ANK3: variants seen among roughly 807,000 people sequenced by gnomAD.
ANK3 encodes the protein ankyrin 3, also known as ankyrin-3.
Under a neutral mutation model 370.9 loss-of-function variants are expected in ANK3, and 57 were observed. The observed-to-expected ratio is 0.15, with a 90% CI of 0.12 to 0.19. The LOEUF is 0.19. ANK3 is among the 10% of genes least tolerant of loss of function. The pLI, the probability that ANK3 is intolerant of heterozygous loss-of-function variation, is 1.00. For missense variants in ANK3, 4,439 were observed against 5,302.1 expected, an observed-to-expected ratio of 0.84 and a Z score of 5.06; for synonymous variants, 1,929 against 1,946.3, an observed-to-expected ratio of 0.99 and a Z score of 0.23.
At chr10:60,720,844 C>A (rs1057125636) in intron 1 of ANK3, among the ~76,000 whole-genome samples, 3 of 152,160 alleles carry the variant, frequency 2.0e-5, no homozygotes, top group Non-Finnish European at 4.4e-5. Context: ...AACTGCTGAG[C>A]TCAAGCAATC....
intron 1 of ANK3, among the ~76,000 whole-genome samples, chr10:60,350,754 A>G (rs761857647): frequency 2.0e-5 from 3 of 152,142 alleles, no homozygotes; most frequent in African/African-American, 4.8e-5. Flanking sequence ...AGCCATCAAA[A>G]AGGAAAAGGA....
intron 14 of ANK3, among the ~76,000 whole-genome samples, chr10:60,197,187 C>T (rs1235819693): frequency 6.6e-6 from 1 of 152,188 alleles, no homozygotes; most frequent in Non-Finnish European, 1.5e-5. Context: ...GAAATTCTCT[C>T]ACCTTTGCCA....
intron 23 of ANK3, among the ~76,000 whole-genome samples, chr10:60,148,969 C>T (rs1276717768): frequency 6.6e-6 from 1 of 152,182 alleles, no homozygotes; most frequent in Non-Finnish European, 1.5e-5. Flanking sequence ...CACACAAGGA[C>T]CATGAGTACA....
chr10:60,270,288 A>G (rs1566130886), intron 4 of ANK3, 59 bp from the exon 5 acceptor site: 1 of 1,143,886 alleles, frequency 8.7e-7, no homozygotes. Context: ...CTATTTTTCC[A>G]TGGTACTGAT....
At chr10:60,036,585 GCCA>G (rs923685494) in intron 43 of ANK3, among the ~76,000 whole-genome samples, 1 of 151,520 alleles carries the variant, frequency 6.6e-6, no homozygotes, top group Non-Finnish European at 1.5e-5. Flanking sequence ...ACAGGTGCCC[GCCA>G]CCACACCTGG....
chr10:60,430,120 G>C (rs977705200), intron 2 of ANK3, among the ~76,000 whole-genome samples: 1 of 152,162 alleles, frequency 6.6e-6, no homozygotes, highest in Non-Finnish European at 1.5e-5. Context: ...TCATTTCAGA[G>C]TCCATTATTT....
At chr10:60,436,053 A>C (rs1419690806) in intron 2 of ANK3, among the ~76,000 whole-genome samples, 2 of 150,878 alleles carry the variant, frequency 1.3e-5, no homozygotes, top group Admixed American at 1.3e-4. Context: ...GCGCCACAGC[A>C]CTCCCGCCTG....
intron 2 of ANK3, among the ~76,000 whole-genome samples, chr10:60,549,943 C>T (rs2077052727): frequency 6.6e-6 from 1 of 151,994 alleles, no homozygotes; most frequent in Non-Finnish European, 1.5e-5. Flanking sequence ...AAGGAACATG[C>T]TATCAAGAAG....
Position 60,198,489 on chromosome 10 carries a change from T to G in ANK3, c.1540A>C (p.Ile514Leu). The G allele has an allele frequency of 6.2e-7, 1 of 1,614,238 alleles. No individual in the cohort carries two copies. Among genetic ancestry groups the G allele is most frequent in the Non-Finnish European group, 8.5e-7 (1 of 1,180,038 alleles). The change falls in exon 14 of 44, where the codon ATA (isoleucine) becomes CTA (leucine). Residue 514 changes from isoleucine to leucine, a missense_variant. By Grantham distance (5) the Ile-to-Leu change is conservative (BLOSUM62 2). This residue lies in a region of ANK3 where 227 missense variants were observed against 377.6 expected (regional missense o/e 0.60). Coordinates refer to ENST00000280772, the MANE Select transcript of ANK3 (RefSeq NM_020987.5). ...CCTTGCTGCAACAGCTGTTGTACTA[T>G]GTCTGCTTTCCCCAGTCGGGCTGAA... Reference protein sequence around the residue: ...HISARLGKADIVQQLLQQGAS... With the variant: ...HISARLGKADLVQQLLQQGAS...
chr10:60,131,674 G>T (rs1024132213), intron 25 of ANK3, among the ~76,000 whole-genome samples: 5 of 152,162 alleles, frequency 3.3e-5, no homozygotes, highest in Non-Finnish European at 4.4e-5. Context: ...AATGGTGTGA[G>T]AACCCTCAGA....
At chr10:60,538,411 C>T (rs1284507967) in intron 2 of ANK3, among the ~76,000 whole-genome samples, 1 of 151,842 alleles carries the variant, frequency 6.6e-6, no homozygotes, top group Admixed American at 6.6e-5. Context: ...CTTTTCCTTC[C>T]TTGGAAAAGC....
intron 2 of ANK3, among the ~76,000 whole-genome samples, chr10:60,467,470 T>C (rs1474934057): frequency 6.6e-6 from 1 of 152,172 alleles, no homozygotes; most frequent in African/African-American, 2.4e-5. Context: ...GAAGTAAGGC[T>C]CCATTCTTTA....
intron 7 of ANK3, among the ~76,000 whole-genome samples, chr10:60,241,744 C>CT (rs543044414): frequency 1.3e-5 from 2 of 152,026 alleles, no homozygotes; most frequent in African/African-American, 2.4e-5. Flanking sequence ...TTAACCAATA[C>CT]TTTTTTTTCT....
At chr10:60,173,749 G>A (rs988360658) in intron 18 of ANK3, among the ~76,000 whole-genome samples, 2 of 152,136 alleles carry the variant, frequency 1.3e-5, no homozygotes, top group Middle Eastern at 3.2e-3. Context: ...TTAGTCTTTT[G>A]CCTTCCTACC....
Position 60,069,016 on chromosome 10 carries a change from T to A in ANK3, c.11865A>T (p.Arg3955Ser). Residue 3955 changes from arginine (R) to serine (S), a missense_variant, in exon 37 of 44, where the codon AGA becomes AGT. This residue lies in a region of ANK3 where 496 missense variants were observed against 529.3 expected (regional missense o/e 0.94). Coordinates refer to ENST00000280772, the MANE Select transcript of ANK3 (RefSeq NM_020987.5). ...TGGTGGTGGTAGTGACACAGGTGGATCTTACCTTTACTGGCAACTTGGATG... is the reference window on the plus strand; with the variant it reads ...TGGTGGTGGTAGTGACACAGGTGGAACTTACCTTTACTGGCAACTTGGATG... ...QLPSKLPVKV[R>S]STCVTTTTTT... The A allele has an allele frequency of 6.2e-7, 1 of 1,613,926 alleles. No homozygotes were observed. The highest frequency in any genetic ancestry group is 8.5e-7 in the Non-Finnish European group (1 of 1,179,914).
At chr10:60,716,172 C>T (rs535611267) in intron 1 of ANK3, among the ~76,000 whole-genome samples, 116 of 142,300 alleles carry the variant, frequency 8.2e-4, no homozygotes, top group African/African-American at 2.8e-3. Flanking sequence ...ATTTTAACAT[C>T]AAAATCCAAG....
intron 1 of ANK3, among the ~76,000 whole-genome samples, chr10:60,368,615 G>A (rs751516594): frequency 2.6e-5 from 4 of 152,124 alleles, no homozygotes; most frequent in Admixed American, 6.5e-5. Flanking sequence ...TTAAAATAGA[G>A]CCAAATGAAA....
At chr10:60,058,366 T>C (rs2079616755) in intron 41 of ANK3, among the ~76,000 whole-genome samples, 1 of 149,510 alleles carries the variant, frequency 6.7e-6, no homozygotes, top group Admixed American at 6.6e-5. Context: ...CAGGAAATTA[T>C]TTTGGGTAAA....
At chr10:60,517,372 T>G (rs1035946056) in intron 2 of ANK3, among the ~76,000 whole-genome samples, 1 of 152,004 alleles carries the variant, frequency 6.6e-6, no homozygotes, top group African/African-American at 2.4e-5. Context: ...CGATTCTTAG[T>G]TTTCTTAGCT....
Sources: allele counts gnomAD v4.1 joint callset (sites outside exome capture counted in the v4.1 genomes callset), GRCh38; gene constraint gnomAD v4.1.1; regional missense constraint gnomAD v4.1.1; transcripts MANE v1.5; gene names NCBI Gene and HGNC (gene_info 2026-07-23, HGNC 2026-07-21).